The following PTPRO variants were observed in gnomAD, a reference collection of about 807,000 sequenced individuals.
PTPRO encodes the protein protein tyrosine phosphatase receptor type O.
Under a neutral mutation model 145.2 loss-of-function variants are expected in PTPRO, and 62 were observed. The observed-to-expected ratio is 0.43, with a 90% CI of 0.35 to 0.53. The LOEUF is 0.53. Ranked by LOEUF, PTPRO falls within the 20% of genes least tolerant of loss-of-function variation. The probability of loss-of-function intolerance (pLI) is 0.01; values close to 1 mark genes in which losing one functional copy is unlikely to be tolerated. For synonymous variants in PTPRO, 565 were observed against 514.7 expected, an observed-to-expected ratio of 1.10 and a Z score of -1.32; for missense variants, 1,345 against 1,482.7, an observed-to-expected ratio of 0.91 and a Z score of 1.53.
intron 1 of PTPRO, among the ~76,000 whole-genome samples, chr12:15,331,464 A>G (rs1344866903): frequency 6.6e-6 from 1 of 152,178 alleles, no homozygotes; most frequent in African/African-American, 2.4e-5. Flanking sequence ...GGATGCTGGG[A>G]AAGTTATTTC....
chr12:15,373,136 A>G (rs1264251517), intron 1 of PTPRO, among the ~76,000 whole-genome samples: 3 of 152,242 alleles, frequency 2.0e-5, no homozygotes, highest in Non-Finnish European at 4.4e-5. Flanking sequence ...TGCTGTTACC[A>G]TATTTAGAGC....
chr12:15,431,230 T>C (rs569647757), intron 1 of PTPRO, among the ~76,000 whole-genome samples: 1 of 152,316 alleles, frequency 6.6e-6, no homozygotes, highest in South Asian at 2.1e-4. Flanking sequence ...TGTCCCACCC[T>C]AACTTTGCCT....
chr12:15,526,498 G>T (rs1198174645), intron 12 of PTPRO, among the ~76,000 whole-genome samples: 3 of 152,278 alleles, frequency 2.0e-5, no homozygotes, highest in Non-Finnish European at 2.9e-5. Context: ...TAAGGTTAAA[G>T]AAACCAGGTA....
intron 1 of PTPRO, among the ~76,000 whole-genome samples, chr12:15,463,675 A>G (rs890603490): frequency 6.6e-6 from 1 of 152,112 alleles, no homozygotes; most frequent in Non-Finnish European, 1.5e-5. Flanking sequence ...TCTCCTAGCT[A>G]TTCTTTGTTG....
At chr12:15,350,771 T>TATA (rs745439530) in intron 1 of PTPRO, among the ~76,000 whole-genome samples, 2 of 152,214 alleles carry the variant, frequency 1.3e-5, no homozygotes, top group Non-Finnish European at 2.9e-5. Flanking sequence ...CAGAGCTATT[T>TATA]ATACACAGCC....
chr12:15,572,353 C>CAGTAT (rs576383714), intron 19 of PTPRO, among the ~76,000 whole-genome samples: 15 of 152,084 alleles, frequency 9.9e-5, no homozygotes, highest in Non-Finnish European at 1.9e-4. Context: ...ACTATACAAA[C>CAGTAT]AGTATAGTAT....
intron 22 of PTPRO, among the ~76,000 whole-genome samples, chr12:15,581,235 T>G: frequency 6.6e-6 from 1 of 152,082 alleles, no homozygotes; most frequent in East Asian, 1.9e-4. Flanking sequence ...AAAGGCAGTT[T>G]CAGCAACCGG....
At chr12:15,453,152 G>T (rs375664185) in intron 1 of PTPRO, among the ~76,000 whole-genome samples, 1 of 151,806 alleles carries the variant, frequency 6.6e-6, no homozygotes, top group Non-Finnish European at 1.5e-5. Context: ...AATCTGGACC[G>T]GCTAATTTTT....
At chr12:15,390,146 T>C (rs2136285477) in intron 1 of PTPRO, among the ~76,000 whole-genome samples, 1 of 152,228 alleles carries the variant, frequency 6.6e-6, no homozygotes, top group East Asian at 1.9e-4. Flanking sequence ...ACTAATAGCT[T>C]AGGGACAACA....
chr12:15,410,784 T>C (rs1002295046), intron 1 of PTPRO: 18 of 152,214 alleles, frequency 1.2e-4, no homozygotes, highest in African/African-American at 3.9e-4. Context: ...GAAACCACAG[T>C]GTCCTTATTG....
At chr12:15,354,568 G>A (rs1466320643) in intron 1 of PTPRO, among the ~76,000 whole-genome samples, 1 of 152,092 alleles carries the variant, frequency 6.6e-6, no homozygotes, top group Non-Finnish European at 1.5e-5. Flanking sequence ...TCTAAAAAAT[G>A]TTAAGATTTA....
chr12:15,548,370 T>C (rs1565419186), intron 13 of PTPRO, among the ~76,000 whole-genome samples: 1 of 152,176 alleles, frequency 6.6e-6, no homozygotes, highest in Non-Finnish European at 1.5e-5. Context: ...AGAACTATTT[T>C]TCTATAGCTT....
chr12:15,379,792 A>T (rs1167060376), intron 1 of PTPRO, among the ~76,000 whole-genome samples: 3 of 152,114 alleles, frequency 2.0e-5, no homozygotes, highest in Non-Finnish European at 4.4e-5. Context: ...ATGGGGGATG[A>T]CTGGTAATGT....
chr12:15,541,620 T>C (rs1392034279), intron 12 of PTPRO, among the ~76,000 whole-genome samples: 2 of 152,216 alleles, frequency 1.3e-5, no homozygotes, highest in Admixed American at 6.5e-5. Context: ...TGCTTGTACA[T>C]CTCTTTACTG....
intron 1 of PTPRO, among the ~76,000 whole-genome samples, chr12:15,476,674 T>C (rs1941661740): frequency 6.6e-6 from 1 of 152,126 alleles, no homozygotes; most frequent in South Asian, 2.1e-4. Context: ...GCCTAGGTTT[T>C]CTTCTAGGGT....
chr12:15,577,592 T>C (rs1040336389), intron 19 of PTPRO, among the ~76,000 whole-genome samples: 12 of 152,230 alleles, frequency 7.9e-5, no homozygotes, highest in Admixed American at 2.0e-4. Flanking sequence ...GGAGGAATTA[T>C]GAAGAGTAAA....
chr12:15,348,108 CA>C (rs1017898518), intron 1 of PTPRO, among the ~76,000 whole-genome samples: 1 of 152,126 alleles, frequency 6.6e-6, no homozygotes, highest in Non-Finnish European at 1.5e-5. Context: ...TCTTATATGA[CA>C]AAAGAGACTT....
chr12:15,546,365 G>GA (rs1448834194), intron 12 of PTPRO: 22 of 1,407,690 alleles, frequency 1.6e-5, no homozygotes, highest in Non-Finnish European at 2.0e-5. Context: ...TAAAAAAATG[G>GA]AAGGGGGAAA....
chr12:15,451,626 T>C (rs4499057), intron 1 of PTPRO, among the ~76,000 whole-genome samples: 130,835 of 152,114 alleles, frequency 0.86, 59,126 homozygotes, highest in Non-Finnish European at 0.99. Context: ...TTTAAGAAAA[T>C]TGAAATTATA....
Sources: allele counts gnomAD v4.1 joint callset (sites outside exome capture counted in the v4.1 genomes callset), GRCh38; gene constraint gnomAD v4.1.1; transcripts MANE v1.5; gene names NCBI Gene and HGNC (gene_info 2026-07-23, HGNC 2026-07-21).